PCDH15: variants seen among roughly 807,000 people sequenced by gnomAD.
PCDH15 encodes protocadherin related 15.
In PCDH15, 129 loss-of-function variants were observed where a neutral mutation model predicts 178.5. The observed-to-expected ratio is 0.72, with a 90% CI of 0.63 to 0.84. The LOEUF is 0.84. PCDH15 is among the 40% of genes least tolerant of loss of function. The probability of loss-of-function intolerance (pLI) is 0.00; values close to 1 mark genes in which losing one functional copy is unlikely to be tolerated. For synonymous variants in PCDH15, 800 were observed against 732.0 expected (o/e 1.09, Z -1.50); for missense variants, 2,230 against 2,099.9 (o/e 1.06, Z -1.21).
At chr10:54,974,917 T>G (rs1839031414) in intron 2 of PCDH15, among the ~76,000 whole-genome samples, 1 of 152,162 alleles carries the variant, frequency 6.6e-6, no homozygotes. Flanking sequence ...TTTCAAGAAT[T>G]GATAAGTTTC....
At chr10:54,937,051 G>A (rs1453357786) in intron 2 of PCDH15, among the ~76,000 whole-genome samples, 1 of 151,820 alleles carries the variant, frequency 6.6e-6, no homozygotes, top group Admixed American at 6.6e-5. Flanking sequence ...CAACTTAATT[G>A]TTGTGTATGT....
intron 10 of PCDH15, among the ~76,000 whole-genome samples, chr10:54,206,275 C>G (rs1185226387): frequency 6.6e-6 from 1 of 152,008 alleles, no homozygotes; most frequent in Admixed American, 6.6e-5. Flanking sequence ...AAAAAATAAC[C>G]TTGCCACTCT....
intron 2 of PCDH15, among the ~76,000 whole-genome samples, chr10:55,354,987 A>C (rs544622165): frequency 6.6e-6 from 1 of 152,168 alleles, no homozygotes; most frequent in African/African-American, 2.4e-5. Flanking sequence ...AATGTCATTT[A>C]AATGTAATTG....
At chr10:55,159,086 T>G (rs1468478348) in intron 2 of PCDH15, among the ~76,000 whole-genome samples, 2 of 151,970 alleles carry the variant, frequency 1.3e-5, no homozygotes, top group Non-Finnish European at 2.9e-5. Flanking sequence ...TAAATGACTT[T>G]AGTACAGACA....
At chr10:54,287,724 A>G (rs1482141362) in intron 8 of PCDH15, among the ~76,000 whole-genome samples, 1 of 152,192 alleles carries the variant, frequency 6.6e-6, no homozygotes, top group Non-Finnish European at 1.5e-5. Flanking sequence ...TGACAAGATT[A>G]ATATACTAAT....
At chr10:55,502,562 T>A (rs1388501481) in intron 2 of PCDH15, among the ~76,000 whole-genome samples, 1 of 151,700 alleles carries the variant, frequency 6.6e-6, no homozygotes, top group Admixed American at 6.6e-5. Flanking sequence ...ACTTCCTTTT[T>A]AACCTTAAGA....
chr10:54,723,708 A>T (rs931323242), intron 1 of PCDH15, among the ~76,000 whole-genome samples: 1 of 148,672 alleles, frequency 6.7e-6, no homozygotes. Context: ...AAGAAAAAAA[A>T]TAATTCCACT....
intron 21 of PCDH15, among the ~76,000 whole-genome samples, chr10:53,965,848 C>G (rs944313326): frequency 8.0e-6 from 1 of 124,458 alleles, no homozygotes; most frequent in East Asian, 2.6e-4. Flanking sequence ...TACTTAGAAT[C>G]TTCTTTTTAA....
intron 1 of PCDH15, among the ~76,000 whole-genome samples, chr10:55,314,545 A>G (rs1238429378): frequency 6.7e-6 from 1 of 149,034 alleles, no homozygotes; most frequent in African/African-American, 2.5e-5. Context: ...TCGCCACAAT[A>G]TTCGTCATTA....
chr10:54,090,259 AC>A (rs1285804666), intron 15 of PCDH15, among the ~76,000 whole-genome samples, 196 bp from the exon 16 acceptor site: 1 of 152,190 alleles, frequency 6.6e-6, no homozygotes, highest in Non-Finnish European at 1.5e-5. Flanking sequence ...ATGTAATCCT[AC>A]CTGATGTGGA....
chr10:53,889,213 A>G (rs144162241), intron 26 of PCDH15, among the ~76,000 whole-genome samples: 289 of 152,162 alleles, frequency 1.9e-3, no homozygotes, highest in African/African-American at 6.7e-3. Context: ...AAAATAATAA[A>G]TTGTATTAAA....
intron 13 of PCDH15, among the ~76,000 whole-genome samples, chr10:54,158,851 T>C (rs2045425627): frequency 6.6e-6 from 1 of 152,174 alleles, no homozygotes. Flanking sequence ...CTCACGCTTG[T>C]AATTCCAGCA....
At chr10:54,468,839 T>C (rs1307652601) in intron 3 of PCDH15, among the ~76,000 whole-genome samples, 4 of 152,202 alleles carry the variant, frequency 2.6e-5, no homozygotes, top group African/African-American at 4.8e-5. Flanking sequence ...CAGTGTTTGC[T>C]GTGCATATAT....
intron 2 of PCDH15, among the ~76,000 whole-genome samples, chr10:55,027,546 G>T (rs770498135): frequency 6.6e-6 from 1 of 151,752 alleles, no homozygotes; most frequent in Non-Finnish European, 1.5e-5. Flanking sequence ...GGGGTGAAAA[G>T]GTTTGTTAAG....
chr10:54,641,938 C>G (rs1190879575), intron 2 of PCDH15, among the ~76,000 whole-genome samples: 1 of 151,974 alleles, frequency 6.6e-6, no homozygotes, highest in African/African-American at 2.4e-5. Flanking sequence ...CATTGGCTAA[C>G]AAACCTTGGT....
intron 2 of PCDH15, among the ~76,000 whole-genome samples, chr10:54,655,284 G>GAGAC (rs1555126753): frequency 7.9e-6 from 1 of 126,662 alleles, no homozygotes; most frequent in South Asian, 3.0e-4. Flanking sequence ...GAGAGAGAGA[G>GAGAC]AGAGAGAGAG....
intron 2 of PCDH15, among the ~76,000 whole-genome samples, chr10:54,642,861 T>C (rs1003502696): frequency 6.6e-6 from 1 of 152,204 alleles, no homozygotes; most frequent in Admixed American, 6.5e-5. Flanking sequence ...GACCCAAGTT[T>C]ATTCTTTATA....
intron 1 of PCDH15, among the ~76,000 whole-genome samples, chr10:55,172,622 T>C (rs1472464545): frequency 6.6e-6 from 1 of 152,070 alleles, no homozygotes; most frequent in Non-Finnish European, 1.5e-5. Context: ...AAATTATTTT[T>C]GGCATACTTC....
chr10:55,321,534 T>C (rs1302703572), upstream of PCDH15, among the ~76,000 whole-genome samples: 3 of 151,790 alleles, frequency 2.0e-5, no homozygotes, highest in Non-Finnish European at 4.4e-5. Context: ...AAAAAGACCA[T>C]CCTGAAGACA....
Sources: gnomAD v4.1 joint callset for allele counts (sites outside exome capture counted in the v4.1 genomes callset) on GRCh38, gnomAD v4.1.1 for gene constraint, MANE v1.5 for transcripts, NCBI Gene and HGNC (gene_info 2026-07-23, HGNC 2026-07-21) for gene names.